SLC32A1: variants seen among roughly 807,000 people sequenced by gnomAD.
The protein encoded by SLC32A1 is solute carrier family 32 member 1.
A neutral mutation model predicts 35.5 loss-of-function variants in SLC32A1; 8 were observed. The observed-to-expected ratio is 0.23, with a 90% confidence interval of 0.13 to 0.41. The LOEUF is 0.41. Ranked by LOEUF, SLC32A1 falls within the 10% of genes least tolerant of loss-of-function variation. The probability of loss-of-function intolerance (pLI) is 1.00; values close to 1 mark genes in which losing one functional copy is unlikely to be tolerated. For missense variants in SLC32A1, 493 were observed against 722.3 expected (o/e 0.68, Z 3.64); for synonymous variants, 317 against 326.3 (o/e 0.97, Z 0.31).
At position 38,726,584 on chromosome 20, in the gene SLC32A1, C is replaced by T. The variant is rs2084277113; in HGVS notation, c.391-868C>T. Among the ~76,000 whole-genome samples, 2 of 152,204 alleles carry T rather than the reference C, an allele frequency of 1.3e-5. No homozygotes were observed. The highest frequency in any genetic ancestry group is 4.1e-4 in the South Asian group (2 of 4,836). On this transcript the variant is annotated intron_variant, in intron 1 of 1. Coordinates refer to ENST00000217420, the MANE Select transcript of SLC32A1 (RefSeq NM_080552.3). The surrounding 1 kb of genome is among the most constrained non-coding windows in gnomAD (Gnocchi z 4.7). ...ACCCTACAGCCCTGTCCGCCTGACCCTGAAGCTTCTGGTTCTAGACTCTTG... is the reference window on the plus strand; with the variant it reads ...ACCCTACAGCCCTGTCCGCCTGACCTTGAAGCTTCTGGTTCTAGACTCTTG...
chr20:38,727,697 C>T lies in SLC32A1; in HGVS notation c.636C>T (p.Ile212=), dbSNP rs370827944. Residue 212 remains isoleucine, a synonymous_variant, in exon 2 of 2, where the codon ATC becomes ATT. Transcript: ENST00000217420. ...GAGTGGTGAACGTAGCGCAGATCAT[C>T]GAGCTGGTGATGACGTGCATCCTGT... ...GGRVVNVAQI[I]ELVMTCILYV... 15 of 1,614,084 alleles carry T rather than the reference C, an allele frequency of 9.3e-6. No homozygotes were observed. The highest frequency in any genetic ancestry group is 3.3e-5 in the Admixed American group (2 of 60,006).
Position 38,728,427 on chromosome 20 carries a change from C to T in SLC32A1, c.1366C>T (p.Leu456Phe), listed in dbSNP as rs767106874. The T allele has an allele frequency of 6.2e-7, 1 of 1,611,748 alleles. No individual in the cohort carries two copies. Among genetic ancestry groups the T allele is most frequent in the Non-Finnish European group, 8.5e-7 (1 of 1,179,582 alleles). ...MAIYVPHFALLMGLTGSLTGA... is the reference protein window; with the variant it reads ...MAIYVPHFALFMGLTGSLTGA... Reference sequence around the variant, plus strand: ...CATTTATGTGCCGCACTTCGCGCTGCTCATGGGCCTCACCGGCAGCCTCAC... The same window carrying T: ...CATTTATGTGCCGCACTTCGCGCTGTTCATGGGCCTCACCGGCAGCCTCAC... Residue 456 changes from leucine (L) to phenylalanine (F), a missense_variant, in exon 2 of 2, where the codon CTC becomes TTC. Around this residue, in one of 4 missense-constraint regions of SLC32A1, gnomAD observed 269 missense variants for 445.6 expected, o/e 0.60. Transcript: ENST00000217420.
Position 38,726,630 on chromosome 20 carries a change from T to C in SLC32A1, c.391-822T>C, listed in dbSNP as rs2084277254. 6.6e-6 allele frequency among the ~76,000 whole-genome samples: 1 copy of C among 152,138 alleles called. No individual in the cohort carries two copies. On this transcript the variant is annotated intron_variant, in intron 1 of 1. Transcript: ENST00000217420. This position sits in a 1 kb window ranked among gnomAD's most constrained non-coding sequence, Gnocchi z 4.7. Reference sequence around the variant, plus strand: ...TCTTGCTCGGTTCGGCTTTCTGGCCTCCCTGGCGCCTTCCCGCCAAGCTCC... The same window carrying C: ...TCTTGCTCGGTTCGGCTTTCTGGCCCCCCTGGCGCCTTCCCGCCAAGCTCC...
chr20:38,728,172 A>G lies in SLC32A1; in HGVS notation c.1111A>G (p.Thr371Ala). 6.2e-7 allele frequency: 1 copy of G among 1,614,136 alleles called. No homozygotes were observed. Among genetic ancestry groups the G allele is most frequent in the East Asian group, 2.2e-5 (1 of 44,878 alleles). The change falls in exon 2 of 2, where the codon ACG becomes GCG. Residue 371 changes from threonine to alanine, a missense_variant. By Grantham distance (58) the Thr-to-Ala change is moderately conservative. This residue lies in a region of SLC32A1 where 269 missense variants were observed against 445.6 expected (regional missense o/e 0.60). Transcript: ENST00000217420. ...GGCCGACGAGACCAAGGAGGTCATC[A>G]CGGATAACCTGCCCGGCTCCATCCG... Reference protein sequence around the residue: ...TWADETKEVITDNLPGSIRAV... With the variant: ...TWADETKEVIADNLPGSIRAV...
Position 38,727,809 on chromosome 20 carries a change from G to C in SLC32A1, c.748G>C (p.Val250Leu), listed in dbSNP as rs763830019. Residue 250 changes from valine (V) to leucine (L), a missense_variant, in exon 2 of 2, where the codon GTG (valine) becomes CTG (leucine). Val to Leu is a conservative substitution (Grantham distance 32). This residue lies in a region of SLC32A1 where 269 missense variants were observed against 445.6 expected (regional missense o/e 0.60). Transcript: ENST00000217420. ...GTCCTGGTCCATTATCGCCACGGCC[G>C]TGCTGCTGCCTTGCGCCTTCCTTAA... The part of the protein sequence containing the change: ...QKSWSIIATA[V>L]LLPCAFLKNL... 6.2e-7 allele frequency: 1 copy of C among 1,614,186 alleles called. No individual in the cohort carries two copies. Among genetic ancestry groups the C allele is most frequent in the Middle Eastern group, 1.6e-4 (1 of 6,062 alleles).
chr20:38,725,153 T>A, intron 1 of SLC32A1, 39 bp downstream of exon 1: 1 of 1,500,136 alleles, frequency 6.7e-7, no homozygotes, highest in Non-Finnish European at 8.9e-7. Context: ...TCCTCCCCCC[T>A]CCCAGCTCAG....
At chr20:38,727,034 C>T (rs1192419313) in intron 1 of SLC32A1, among the ~76,000 whole-genome samples, 1 of 152,154 alleles carries the variant, frequency 6.6e-6, no homozygotes, top group African/African-American at 2.4e-5. Context: ...TCTTAGAGCC[C>T]CTTTCCGACT....
In SLC32A1 at chr20:38,727,910, C is replaced by T; in HGVS notation, c.849C>T (p.Ala283=). The change falls in exon 2 of 2, where the codon GCC becomes GCT. Residue 283 remains alanine, a synonymous_variant. Transcript: ENST00000217420. ...TCGTCATCAATATCCTGGTCATAGC[C>T]TACTGTCTATCGCGGGCGCGCGACT... ...AHFVINILVI[A]YCLSRARDWA... The T allele has an allele frequency of 6.2e-7, 1 of 1,614,248 alleles. No individual in the cohort carries two copies. The highest frequency in any genetic ancestry group is 8.5e-7 in the Non-Finnish European group (1 of 1,180,042).
At chr20:38,727,263 G>A (rs577007723) in intron 1 of SLC32A1, among the ~76,000 whole-genome samples, 189 bp from the exon 2 acceptor site, 1 of 152,084 alleles carries the variant, frequency 6.6e-6, no homozygotes, top group African/African-American at 2.4e-5. Context: ...CGACACCCGG[G>A]CTCACTATTA....
At chr20:38,725,497 G>A (rs1437826294) in intron 1 of SLC32A1, among the ~76,000 whole-genome samples, 3 of 152,148 alleles carry the variant, frequency 2.0e-5, no homozygotes, top group Admixed American at 2.0e-4. Flanking sequence ...GCATTTTTGG[G>A]AGGAAAGAAG....
Position 38,724,882 on chromosome 20 carries a change from A to G in SLC32A1, c.158A>G (p.Glu53Gly). 1 of 1,614,002 alleles carries G rather than the reference A, an allele frequency of 6.2e-7. No homozygotes were observed. ...GCGCATTGCGACGACCTCGACTTTG[A>G]GCACCGCCAGGGCCTGCAGATGGAC... The part of the protein sequence containing the change: ...GFAHCDDLDF[E>G]HRQGLQMDIL... The change falls in exon 1 of 2, where the codon GAG becomes GGG. Residue 53 changes from glutamate to glycine, a missense_variant. By Grantham distance (98) the Glu-to-Gly change is moderately conservative. Around this residue, in one of 4 missense-constraint regions of SLC32A1, gnomAD observed 133 missense variants for 145.9 expected, o/e 0.91. Coordinates refer to ENST00000217420, the MANE Select transcript of SLC32A1 (RefSeq NM_080552.3).
Position 38,727,461 on chromosome 20 carries a change from G to A in SLC32A1, c.400G>A (p.Val134Met). The A allele has an allele frequency of 1.9e-6, 3 of 1,607,930 alleles. No homozygotes were observed. The highest frequency in any genetic ancestry group is 2.5e-6 in the Non-Finnish European group (3 of 1,179,432). ...CCTCTCCGCCCCACAGGGCATGTTC[G>A]TGCTGGGCCTACCCTACGCCATCCT... ...NVTNAIQGMF[V>M]LGLPYAILHG... is the part of the protein sequence containing the mutation. The change falls in exon 2 of 2, where the codon GTG (valine) becomes ATG (methionine). Residue 134 changes from valine (V) to methionine (M), a missense_variant. Val to Met is a conservative substitution (Grantham distance 21, BLOSUM62 1). This residue lies in a region of SLC32A1 where 45 missense variants were observed against 91.1 expected (regional missense o/e 0.49). Coordinates refer to ENST00000217420, the MANE Select transcript of SLC32A1 (RefSeq NM_080552.3).
rs1401085208 is a variant in SLC32A1 at position 38,729,267 on chromosome 20, G to A, written c.*628G>A. On this transcript the variant is annotated 3_prime_UTR_variant, in exon 2 of 2. Coordinates refer to ENST00000217420, the MANE Select transcript of SLC32A1 (RefSeq NM_080552.3). ...TGTGGAACTGTTCTACTGTGCGTGT[G>A]GTGTGCTCGTGGTGAATAAGATGAA... 6.5e-6 allele frequency: 1 copy of A among 152,704 alleles called. No individual in the cohort carries two copies. The highest frequency in any genetic ancestry group is 1.5e-5 in the Non-Finnish European group (1 of 68,108). The allele number at this position is 152,704 out of a possible 1,614,324, so 9.5% of individuals were successfully genotyped here.
chr20:38,726,864 T>G lies in SLC32A1; in HGVS notation c.391-588T>G, dbSNP rs2084278103. Among the ~76,000 whole-genome samples the G allele has an allele frequency of 6.6e-6, 1 of 152,076 alleles. No individual in the cohort carries two copies. On this transcript the variant is annotated intron_variant, in intron 1 of 1. Coordinates refer to ENST00000217420, the MANE Select transcript of SLC32A1 (RefSeq NM_080552.3). This position sits in a 1 kb window ranked among gnomAD's most constrained non-coding sequence, Gnocchi z 4.7. Reference sequence around the variant, plus strand: ...CTTCAGCCCCTCTCCCTCTCTACCCTATTTCCTTTTCGCCTCACAACTGCA... The same window carrying G: ...CTTCAGCCCCTCTCCCTCTCTACCCGATTTCCTTTTCGCCTCACAACTGCA...
At position 38,726,243 on chromosome 20, in the gene SLC32A1, C is replaced by CCA. The variant is rs2084275602; in HGVS notation, c.390+1131_390+1132dup. Among the ~76,000 whole-genome samples the CCA allele has an allele frequency of 6.6e-6, 1 of 152,316 alleles. No individual in the cohort carries two copies. The highest frequency in any genetic ancestry group is 2.4e-5 in the African/African-American group (1 of 41,576). On this transcript the variant is annotated intron_variant, in intron 1 of 1. Coordinates refer to ENST00000217420, the MANE Select transcript of SLC32A1 (RefSeq NM_080552.3). The surrounding 1 kb of genome is among the most constrained non-coding windows in gnomAD (Gnocchi z 4.7). Reference sequence around the variant, plus strand: ...TCCCTGGAGCGCACTATCACTGGGGCCACGGAAGGCAGGTTTTCTGGGAGC... The same window carrying CCA: ...TCCCTGGAGCGCACTATCACTGGGGCCACACGGAAGGCAGGTTTTCTGGGAGC...
At chr20:38,725,141 T>C (rs374307377) in intron 1 of SLC32A1, 27 bp downstream of exon 1, 2 of 1,504,632 alleles carry the variant, frequency 1.3e-6, no homozygotes, top group African/African-American at 2.8e-5. Context: ...CAGTTCTGCC[T>C]GTCCTCCCCC....
Position 38,728,047 on chromosome 20 carries a change from A to G in SLC32A1, c.986A>G (p.Asn329Ser), listed in dbSNP as rs1478178270. ...SQIFLPSLEG[N>S]MQQPSEFHCM... ...ATCTTCCTGCCTTCGCTGGAGGGCAATATGCAGCAGCCCAGCGAGTTCCAC... is the reference window on the plus strand; with the variant it reads ...ATCTTCCTGCCTTCGCTGGAGGGCAGTATGCAGCAGCCCAGCGAGTTCCAC... The change falls in exon 2 of 2, where the codon AAT (asparagine) becomes AGT (serine). Residue 329 changes from asparagine to serine, a missense_variant. Asn to Ser is a conservative substitution (Grantham distance 46, BLOSUM62 1). This residue lies in a region of SLC32A1 where 269 missense variants were observed against 445.6 expected (regional missense o/e 0.60). Transcript: ENST00000217420. 6.2e-7 allele frequency: 1 copy of G among 1,614,056 alleles called. No homozygotes were observed. Among genetic ancestry groups the G allele is most frequent in the South Asian group, 1.1e-5 (1 of 91,092 alleles).
chr20:38,724,611 C>G lies in SLC32A1; in HGVS notation c.-114C>G. On this transcript the variant is annotated 5_prime_UTR_variant, in exon 1 of 2. Transcript: ENST00000217420. ...CATGAGCCAGAGAGCCCCGGGGCGC[C>G]GCGCGGAGAGCAAGCGGAGATAGCG... is the stretch of plus-strand genomic sequence containing the variant. The G allele has an allele frequency of 7.4e-7, 1 of 1,344,842 alleles. No individual in the cohort carries two copies. Among genetic ancestry groups the G allele is most frequent in the Non-Finnish European group, 9.9e-7 (1 of 1,006,830 alleles). The allele number at this position is 1,344,842 out of a possible 1,614,324, so 83.3% of individuals were successfully genotyped here. A position where few individuals can be genotyped will look rare whatever the true frequency, so the allele number is the denominator to read the frequency against.
chr20:38,727,583 T>A lies in SLC32A1; in HGVS notation c.522T>A (p.Asn174Lys), dbSNP rs759565716. The A allele has an allele frequency of 8.7e-6, 14 of 1,611,612 alleles. No individual in the cohort carries two copies. Among genetic ancestry groups the A allele is most frequent in the Non-Finnish European group, 1.2e-5 (14 of 1,180,036 alleles). ...TCATCGCGTGCCTGTACGAGGAGAA[T>A]GAAGACGGCGAGGTGGTGCGCGTGC... ...KILIACLYEE[N>K]EDGEVVRVRD... The change falls in exon 2 of 2, where the codon AAT becomes AAA. Residue 174 changes from asparagine to lysine, a missense_variant. Asn to Lys is a moderately conservative substitution (Grantham distance 94, BLOSUM62 0). Coordinates refer to ENST00000217420, the MANE Select transcript of SLC32A1 (RefSeq NM_080552.3).
Sources: allele counts gnomAD v4.1 joint callset (sites outside exome capture counted in the v4.1 genomes callset), GRCh38; gene constraint gnomAD v4.1.1; regional missense constraint gnomAD v4.1.1; non-coding constraint Gnocchi (gnomAD v3.1); transcripts MANE v1.5; gene names NCBI Gene and HGNC (gene_info 2026-07-23, HGNC 2026-07-21).